Variants in LRFN2 observed in about 807,000 individuals in gnomAD.
LRFN2 encodes leucine-rich repeat and fibronectin type-III domain-containing protein 2.
Under a neutral mutation model 37.3 loss-of-function variants are expected in LRFN2, and 18 were observed. The ratio of observed to expected loss-of-function variants is 0.48; its 90% confidence interval spans 0.33 to 0.72. LRFN2 has a LOEUF of 0.72. Among genes scored for constraint, LRFN2 ranks in the 30% least tolerant of loss-of-function variants. LRFN2 has a pLI of 0.02. For synonymous variants in LRFN2, 556 were observed against 466.6 expected (o/e 1.19, Z -2.47); for missense variants, 1,006 against 1,060.7 (o/e 0.95, Z 0.72).
At chr6:40,534,292 G>A (rs1274028652) in intron 1 of LRFN2, among the ~76,000 whole-genome samples, 1 of 152,134 alleles carries the variant, frequency 6.6e-6, no homozygotes, top group Non-Finnish European at 1.5e-5. Context: ...CGTTTTGGGG[G>A]TCATGGACTC....
chr6:40,468,591 T>C (rs1409725172), intron 1 of LRFN2, among the ~76,000 whole-genome samples: 1 of 151,216 alleles, frequency 6.6e-6, no homozygotes, highest in African/African-American at 2.4e-5. Flanking sequence ...GCGCAAAGAG[T>C]AGTGAGATTA....
At chr6:40,494,374 G>A (rs893185910) in intron 1 of LRFN2, among the ~76,000 whole-genome samples, 12 of 152,238 alleles carry the variant, frequency 7.9e-5, no homozygotes, top group South Asian at 2.1e-4. Flanking sequence ...CCCCACCCCC[G>A]TTTCCAAAAG....
At chr6:40,563,551 T>A (rs1029878800) in intron 1 of LRFN2, among the ~76,000 whole-genome samples, 3 of 152,150 alleles carry the variant, frequency 2.0e-5, no homozygotes, top group Admixed American at 6.5e-5. Context: ...TAAAACACTG[T>A]TTTTAGTGAC....
intron 1 of LRFN2, among the ~76,000 whole-genome samples, chr6:40,532,243 T>C (rs1050076221): frequency 7.2e-5 from 11 of 152,230 alleles, no homozygotes; most frequent in Non-Finnish European, 1.6e-4. Flanking sequence ...GGCAGTCTAG[T>C]CCTACTTGGG....
chr6:40,524,200 T>TA (rs1426246665), intron 1 of LRFN2, among the ~76,000 whole-genome samples: 1 of 152,202 alleles, frequency 6.6e-6, no homozygotes, highest in Non-Finnish European at 1.5e-5. Flanking sequence ...TTTGATGCCC[T>TA]AACCTACCAA....
At chr6:40,474,380 T>C (rs1361062063) in intron 1 of LRFN2, among the ~76,000 whole-genome samples, 1 of 152,248 alleles carries the variant, frequency 6.6e-6, no homozygotes, top group Non-Finnish European at 1.5e-5. Context: ...TCTCTGCCTC[T>C]GTCTTTACAT....
At chr6:40,552,028 G>C (rs902494085) in intron 1 of LRFN2, among the ~76,000 whole-genome samples, 3 of 152,108 alleles carry the variant, frequency 2.0e-5, no homozygotes, top group African/African-American at 4.8e-5. Context: ...TGTTATACAA[G>C]TTATACAAGG....
In LRFN2 at chr6:40,392,733, C is replaced by G. The variant is rs1435025388; in HGVS notation, c.1580G>C (p.Ser527Thr). 1 of 1,614,132 alleles carries G rather than the reference C, an allele frequency of 6.2e-7. No homozygotes were observed. Among genetic ancestry groups the G allele is most frequent in the South Asian group, 1.1e-5 (1 of 91,080 alleles). ...ADYPQCQSMH[S>T]QILGGTMILV... ...GATCATGGTGCCGCCCAGAATCTGGCTGTGCATGGACTGGCACTGCGGGTA... is the reference window on the plus strand; with the variant it reads ...GATCATGGTGCCGCCCAGAATCTGGGTGTGCATGGACTGGCACTGCGGGTA... The change falls in exon 3 of 3, where the codon AGC becomes ACC. Residue 527 changes from serine (S) to threonine (T), a missense_variant. Ser to Thr is a moderately conservative substitution (Grantham distance 58). Transcript: ENST00000338305. The surrounding 1 kb of genome is among the most constrained non-coding windows in gnomAD (Gnocchi z 4.7).
rs59391301 is a variant in LRFN2 at position 40,585,852 on chromosome 6, TACACAC to T, written c.-19+1083_-19+1088del. On this transcript the variant is annotated intron_variant, in intron 1 of 2. Coordinates refer to ENST00000338305, the MANE Select transcript of LRFN2 (RefSeq NM_020737.3). The stretch of plus-strand genomic sequence containing the variant: ...ACACATGCGTACACACACACACGCG[TACACAC>T]ACACACACACACACACACTCCATTG... 8.4e-4 allele frequency among the ~76,000 whole-genome samples: 125 copies of T among 148,774 alleles called. No individual in the cohort carries two copies. The East Asian group carries it at 0.013, about 15-fold the overall frequency.
intron 2 of LRFN2, among the ~76,000 whole-genome samples, chr6:40,423,437 G>A (rs923175042): frequency 6.6e-6 from 1 of 152,140 alleles, no homozygotes; most frequent in Admixed American, 6.5e-5. Context: ...TATGAAGAAC[G>A]CTCTTTCAAA....
At chr6:40,533,194 C>G (rs1046163083) in intron 1 of LRFN2, among the ~76,000 whole-genome samples, 2 of 152,110 alleles carry the variant, frequency 1.3e-5, no homozygotes, top group South Asian at 2.1e-4. Context: ...CTCTTTCTCT[C>G]TCTGTCTCTT....
chr6:40,494,019 C>T (rs1193465455), intron 1 of LRFN2, among the ~76,000 whole-genome samples: 1 of 152,212 alleles, frequency 6.6e-6, no homozygotes, highest in African/African-American at 2.4e-5. Flanking sequence ...TGGACCTCCC[C>T]TAGGGACAGT....
chr6:40,472,363 C>T (rs551811789), intron 1 of LRFN2, among the ~76,000 whole-genome samples: 44 of 152,224 alleles, frequency 2.9e-4, no homozygotes, highest in Non-Finnish European at 5.6e-4. Flanking sequence ...CACTGCTTGC[C>T]TGAACTTCTC....
chr6:40,420,172 C>G (rs554686939), intron 2 of LRFN2, among the ~76,000 whole-genome samples: 3 of 152,334 alleles, frequency 2.0e-5, no homozygotes, highest in Non-Finnish European at 2.9e-5. Flanking sequence ...AAAGAGTTAA[C>G]GAGCTCGTTC....
At chr6:40,514,595 G>A (rs1765806668) in intron 1 of LRFN2, among the ~76,000 whole-genome samples, 1 of 152,198 alleles carries the variant, frequency 6.6e-6, no homozygotes, top group African/African-American at 2.4e-5. Context: ...GATTACAGGT[G>A]TGAGCCACCA....
intron 1 of LRFN2, chr6:40,517,209 A>G (rs1043691727): frequency 7.9e-5 from 12 of 152,104 alleles, no homozygotes; most frequent in Non-Finnish European, 1.6e-4. Context: ...ATCCCAACCT[A>G]CATCCATTCA....
At chr6:40,411,254 C>T (rs566140125) in intron 2 of LRFN2, among the ~76,000 whole-genome samples, 49 of 152,294 alleles carry the variant, frequency 3.2e-4, no homozygotes, top group African/African-American at 7.9e-4. Context: ...GATGAGGAGT[C>T]GTCCCTGCTC....
At chr6:40,461,550 A>G (rs1401554175) in intron 1 of LRFN2, among the ~76,000 whole-genome samples, 1 of 152,004 alleles carries the variant, frequency 6.6e-6, no homozygotes, top group Non-Finnish European at 1.5e-5. Flanking sequence ...AGCAGTAAAC[A>G]AGATAGATCA....
chr6:40,423,069 G>T (rs1309564138), intron 2 of LRFN2, among the ~76,000 whole-genome samples: 1 of 152,190 alleles, frequency 6.6e-6, no homozygotes, highest in Non-Finnish European at 1.5e-5. Flanking sequence ...GAGAGAGGCA[G>T]GATGTGGGGA....
Sources: gnomAD v4.1 joint callset for allele counts (sites outside exome capture counted in the v4.1 genomes callset) on GRCh38, gnomAD v4.1.1 for gene constraint, Gnocchi (gnomAD v3.1) non-coding constraint, MANE v1.5 for transcripts, NCBI Gene and HGNC (gene_info 2026-07-23, HGNC 2026-07-21) for gene names.